Variants in TEX30 observed in about 807,000 individuals in gnomAD.
TEX30 encodes testis expressed 30, also known as testis-expressed protein 30.
In TEX30, 14 loss-of-function variants were observed where a neutral mutation model predicts 23.8. That is an observed-to-expected ratio of 0.59 (90% CI 0.39 to 0.92). The LOEUF (loss-of-function observed/expected upper bound fraction) is 0.92, where lower values mean the gene tolerates loss of function less well. Ranked by LOEUF, TEX30 falls within the 40% of genes least tolerant of loss-of-function variation. The pLI is 0.00. For synonymous variants in TEX30, 78 were observed against 90.2 expected (o/e 0.87, Z 0.76); for missense variants, 246 against 270.6 (o/e 0.91, Z 0.64).
intron 1 of TEX30, chr13:102,770,327 A>G (rs372131379): frequency 8.0e-6 from 2 of 248,620 alleles, no homozygotes; most frequent in Non-Finnish European, 7.6e-6. Flanking sequence ...CTGTAAGGTA[A>G]TTCATATCAA....
intron 1 of TEX30, 43 bp from the exon 2 acceptor site, chr13:102,770,129 G>A: frequency 2.8e-6 from 2 of 719,712 alleles, no homozygotes; most frequent in Non-Finnish European, 4.0e-6. Context: ...TGGCAGACAT[G>A]GATATGACAC....
rs1338444172 is a variant in TEX30, at chr13:102,766,438, A to G, written c.647T>C (p.Ile216Thr). Residue 216 changes from isoleucine (I) to threonine (T), a missense_variant, in exon 6 of 6, where the codon ATC (isoleucine) becomes ACC (threonine). Ile to Thr is a moderately conservative substitution (Grantham distance 89, BLOSUM62 -1). Transcript: ENST00000376032. ...KEINTQILFW[I>T]QEITEMDKKC... The stretch of plus-strand genomic sequence containing the variant: ...CTTGTCCATTTCAGTAATTTCTTGG[A>G]TCCAAAACAAAATCTGTGTATTTAT... 9 of 1,613,780 alleles carry G rather than the reference A, an allele frequency of 5.6e-6. No individual in the cohort carries two copies. Among genetic ancestry groups the G allele is most frequent in the Non-Finnish European group, 6.8e-6 (8 of 1,179,924 alleles).
intron 2 of TEX30, chr13:102,769,761 T>C: frequency 1.9e-6 from 1 of 538,178 alleles, no homozygotes; most frequent in South Asian, 2.9e-5. Context: ...AACAATTCTG[T>C]GAGGCAAGCA....
Position 102,766,515 on chromosome 13 carries a change from T to C in TEX30, c.570A>G (p.Ala190=). Residue 190 remains alanine, a synonymous_variant, in exon 6 of 6, where the codon GCA becomes GCG. Transcript: ENST00000376032. ...GTCCTTTCACTGCCATGGAATGATT[T>C]GCCTTCTCAATCCAGTGGATTTTAT... ...APHKIHWIEK[A]NHSMAVKGRS... 6.2e-7 allele frequency: 1 copy of C among 1,614,124 alleles called. No individual in the cohort carries two copies. Among genetic ancestry groups the C allele is most frequent in the Non-Finnish European group, 8.5e-7 (1 of 1,179,990 alleles).
chr13:102,771,925 C>T (rs1408728680), intron 1 of TEX30, among the ~76,000 whole-genome samples: 1 of 152,180 alleles, frequency 6.6e-6, no homozygotes, highest in Non-Finnish European at 1.5e-5. Context: ...TGCCAGTTTC[C>T]GTGCAGTTTG....
At chr13:102,767,521 T>C (rs986693913) in intron 4 of TEX30, 43 bp from the exon 5 acceptor site, 1 of 1,589,842 alleles carries the variant, frequency 6.3e-7, no homozygotes, top group African/African-American at 1.4e-5. Context: ...ATATAAACTT[T>C]CACATAAAGT....
intron 5 of TEX30, 150 bp downstream of exon 5, chr13:102,767,123 T>A (rs755771562): frequency 2.6e-5 from 19 of 724,374 alleles, no homozygotes; most frequent in Non-Finnish European, 3.7e-5. Flanking sequence ...ATTTTTAGGT[T>A]CTCAAAAGCA....
rs1243854134 is a variant in TEX30 at position 102,770,113 on chromosome 13, G to C, written c.-60-27C>G. On this transcript the variant is annotated intron_variant, in intron 1 of 5. Coordinates refer to ENST00000376032, the MANE Select transcript of TEX30 (RefSeq NM_138779.5). ...TGAAAAGAAGATTCTGTTGTGAAAG[G>C]TGAGTTGGCAGACATGGATATGACA... 3.1e-6 allele frequency: 3 copies of C among 981,368 alleles called. No individual in the cohort carries two copies. The African/African-American group carries it at 5.1e-5, about 17-fold the overall frequency. The allele number at this position is 981,368 out of a possible 1,614,324, so 60.8% of individuals were successfully genotyped here. A position where few individuals can be genotyped will look rare whatever the true frequency, so the allele number is the denominator to read the frequency against.
chr13:102,767,516 A>T (rs754928901), intron 4 of TEX30, 38 bp from the exon 5 acceptor site: 1 of 1,598,380 alleles, frequency 6.3e-7, no homozygotes, highest in South Asian at 1.1e-5. Context: ...TTGAAATATA[A>T]ACTTTCACAT....
chr13:102,770,218 T>C, intron 1 of TEX30, 132 bp from the exon 2 acceptor site: 1 of 386,596 alleles, frequency 2.6e-6, no homozygotes, highest in Non-Finnish European at 4.6e-6. Context: ...TCTTTACATG[T>C]ACATTTTTCT....
chr13:102,771,589 T>C (rs1216094809), intron 1 of TEX30, among the ~76,000 whole-genome samples: 1 of 152,246 alleles, frequency 6.6e-6, no homozygotes, highest in Non-Finnish European at 1.5e-5. Flanking sequence ...ATTAGTCTGA[T>C]CTGACTGCAA....
chr13:102,766,262 T>TCA lies in TEX30; in HGVS notation c.*137_*138dup, dbSNP rs1203619486. The TCA allele has an allele frequency of 1.5e-6, 1 of 669,960 alleles. No homozygotes were observed. Among genetic ancestry groups the TCA allele is most frequent in the African/African-American group, 1.8e-5 (1 of 54,370 alleles). 41.5% of individuals were successfully genotyped at this position (669,960 alleles called of 1,614,324 possible). A position where few individuals can be genotyped will look rare whatever the true frequency, so the allele number is the denominator to read the frequency against. On this transcript the variant is annotated 3_prime_UTR_variant, in exon 6 of 6. Transcript: ENST00000376032. The stretch of plus-strand genomic sequence containing the variant: ...AGACATTTTGTGAAGGACATTAATT[T>TCA]CACATTTAAAACGTGTTTCAAAAAT...
At chr13:102,771,327 T>C (rs1214718837) in intron 1 of TEX30, among the ~76,000 whole-genome samples, 2 of 152,264 alleles carry the variant, frequency 1.3e-5, no homozygotes, top group Admixed American at 6.5e-5. Flanking sequence ...GAAGTCAAAG[T>C]ATTTGTTCAT....
chr13:102,769,599 G>T, intron 2 of TEX30, 58 bp from the exon 3 acceptor site: 3 of 1,017,976 alleles, frequency 2.9e-6, no homozygotes, highest in South Asian at 1.5e-5. Flanking sequence ...TAAGACAACT[G>T]AACAGCTATA....
chr13:102,766,695 C>T, intron 5 of TEX30, 115 bp from the exon 6 acceptor site: 1 of 974,030 alleles, frequency 1.0e-6, no homozygotes, highest in Non-Finnish European at 1.4e-6. Context: ...AATGCTTTCT[C>T]AGACAACTTT....
intron 1 of TEX30, among the ~76,000 whole-genome samples, chr13:102,773,201 A>G (rs191169669): frequency 6.6e-4 from 101 of 152,340 alleles, no homozygotes; most frequent in African/African-American, 2.3e-3. Context: ...AAAAACGTTG[A>G]GTCCGAGTCT....
chr13:102,772,601 A>C (rs886577667), intron 1 of TEX30, among the ~76,000 whole-genome samples: 1 of 152,110 alleles, frequency 6.6e-6, no homozygotes, highest in African/African-American at 2.4e-5. Flanking sequence ...TTTGAGACAG[A>C]GTCTTGCTCT....
At chr13:102,771,239 A>T (rs1320340504) in intron 1 of TEX30, among the ~76,000 whole-genome samples, 1 of 152,248 alleles carries the variant, frequency 6.6e-6, no homozygotes, top group Non-Finnish European at 1.5e-5. Flanking sequence ...GAATTTTTTC[A>T]TAGAACTTCC....
chr13:102,769,956 TACAA>T (rs971304758), intron 2 of TEX30, 52 bp downstream of exon 2: 33 of 1,369,598 alleles, frequency 2.4e-5, no homozygotes, highest in East Asian at 5.3e-5. Context: ...GCCACATAAT[TACAA>T]ACAAACAAAA....
Sources: gnomAD v4.1 joint callset for allele counts (sites outside exome capture counted in the v4.1 genomes callset) on GRCh38, gnomAD v4.1.1 for gene constraint, MANE v1.5 for transcripts, NCBI Gene and HGNC (gene_info 2026-07-23, HGNC 2026-07-21) for gene names.